BBS9: variants seen among roughly 807,000 people sequenced by gnomAD.
BBS9 encodes Bardet-Biedl syndrome 9.
A neutral mutation model predicts 117.7 loss-of-function variants in BBS9; 89 were observed. The observed-to-expected ratio is 0.76, with a 90% CI of 0.64 to 0.90. The LOEUF is 0.90. BBS9 is among the 40% of genes least tolerant of loss of function. BBS9 has a pLI of 0.00. For synonymous variants in BBS9, 379 were observed against 370.9 expected, an observed-to-expected ratio of 1.02 and a Z score of -0.25; for missense variants, 982 against 1,042.2, an observed-to-expected ratio of 0.94 and a Z score of 0.80.
chr7:33,627,921 A>G (rs1018948316), intron 21 of BBS9, among the ~76,000 whole-genome samples: 3 of 152,070 alleles, frequency 2.0e-5, no homozygotes, highest in African/African-American at 4.8e-5. Flanking sequence ...GTGCATGCCT[A>G]TGATCCCAGC....
chr7:33,258,943 C>T (rs1797522540), intron 6 of BBS9, among the ~76,000 whole-genome samples: 1 of 152,008 alleles, frequency 6.6e-6, no homozygotes, highest in African/African-American at 2.4e-5. Flanking sequence ...TTGTCTTAGA[C>T]TAAAAAATGT....
chr7:33,592,779 A>G (rs1369018711), intron 21 of BBS9, among the ~76,000 whole-genome samples: 1 of 152,124 alleles, frequency 6.6e-6, no homozygotes, highest in African/African-American at 2.4e-5. Flanking sequence ...CAAGTTGAAG[A>G]AATGTTGCCA....
chr7:33,455,699 G>T (rs1410370907), intron 19 of BBS9, among the ~76,000 whole-genome samples: 1 of 152,044 alleles, frequency 6.6e-6, no homozygotes, highest in Non-Finnish European at 1.5e-5. Flanking sequence ...GGTAATTAGG[G>T]TACTGATTTT....
At chr7:33,353,697 T>C (rs1286209978) in intron 15 of BBS9, among the ~76,000 whole-genome samples, 1 of 152,044 alleles carries the variant, frequency 6.6e-6, no homozygotes, top group Non-Finnish European at 1.5e-5. Context: ...ATTAAATAAA[T>C]ATAATGAAAT....
intron 20 of BBS9, 22 bp downstream of exon 20, chr7:33,505,667 G>C: frequency 6.2e-7 from 1 of 1,611,308 alleles, no homozygotes; most frequent in Non-Finnish European, 8.5e-7. Context: ...AAAGCCTGTG[G>C]TGGGAACAGC....
intron 20 of BBS9, among the ~76,000 whole-genome samples, chr7:33,518,245 C>CTTTTTTTTT (rs747829401): frequency 1.1e-4 from 10 of 93,934 alleles, no homozygotes; most frequent in Non-Finnish European, 1.4e-4. Context: ...TGTATATATT[C>CTTTTTTTTT]TTTTTTTTTT....
At chr7:33,158,548 C>G (rs972549329) in intron 4 of BBS9, among the ~76,000 whole-genome samples, 4 of 152,034 alleles carry the variant, frequency 2.6e-5, no homozygotes, top group African/African-American at 9.7e-5. Context: ...TCCATAGTTG[C>G]ATTATTAAAT....
At chr7:33,256,454 G>T (rs1031584100) in intron 5 of BBS9, among the ~76,000 whole-genome samples, 11 of 151,990 alleles carry the variant, frequency 7.2e-5, no homozygotes, top group South Asian at 6.2e-4. Flanking sequence ...GCAGTAATAA[G>T]CACTCCAAAA....
At chr7:33,234,770 A>G (rs952406942) in intron 5 of BBS9, among the ~76,000 whole-genome samples, 43 of 151,852 alleles carry the variant, frequency 2.8e-4, no homozygotes, top group African/African-American at 9.2e-4. Context: ...TGAATATTTG[A>G]ATATATACAG....
At chr7:33,384,988 T>G (rs1314979105) in intron 18 of BBS9, among the ~76,000 whole-genome samples, 1 of 152,146 alleles carries the variant, frequency 6.6e-6, no homozygotes, top group Non-Finnish European at 1.5e-5. Flanking sequence ...AAGAGTATGT[T>G]TAGGTATCGT....
intron 4 of BBS9, among the ~76,000 whole-genome samples, chr7:33,162,558 G>A (rs1431175431): frequency 6.6e-6 from 1 of 152,112 alleles, no homozygotes; most frequent in Admixed American, 6.5e-5. Flanking sequence ...TCCCTTGTAA[G>A]TTGGATTCTT....
At position 33,481,198 on chromosome 7, in the gene BBS9, A is replaced by G. The variant is rs547428270; in HGVS notation, c.2116-24265A>G. 2.0e-5 allele frequency among the ~76,000 whole-genome samples: 3 copies of G among 152,270 alleles called. No homozygotes were observed. The East Asian group carries it at 5.8e-4, about 29-fold the overall frequency. ...GGAAGGACTTATTGGCAGAAGGAAA[A>G]ATACAAGTTAATGTATGGTAGTGGG... On this transcript the variant is annotated intron_variant, in intron 19 of 22. Coordinates refer to ENST00000242067, the MANE Select transcript of BBS9 (RefSeq NM_198428.3).
At chr7:33,236,645 G>A (rs13238974) in intron 5 of BBS9, among the ~76,000 whole-genome samples, 2,434 of 151,926 alleles carry the variant, frequency 0.016, 21 homozygotes, top group Non-Finnish European at 0.026. Flanking sequence ...TGTTTTTAAT[G>A]TATTTTAATT....
rs1799861535 is a variant in BBS9 at position 33,271,873 on chromosome 7, C to T, written c.703-1139C>T. Among the ~76,000 whole-genome samples, 3 of 152,130 alleles carry T rather than the reference C, an allele frequency of 2.0e-5. No homozygotes were observed. The South Asian group carries it at 6.2e-4, about 32-fold the overall frequency. ...ACCAAATGGACCTAATAGACATCTA[C>T]AAAACTCTCCATCCCAAAACAACAG... On this transcript the variant is annotated intron_variant, in intron 7 of 22. Coordinates refer to ENST00000242067, the MANE Select transcript of BBS9 (RefSeq NM_198428.3).
chr7:33,558,231 A>G (rs1855575158), intron 21 of BBS9, among the ~76,000 whole-genome samples: 3 of 152,230 alleles, frequency 2.0e-5, no homozygotes, highest in African/African-American at 7.2e-5. Context: ...GGAAAACAGT[A>G]CACAAACAAC....
At chr7:33,364,744 CCTCT>C (rs1489234595) in intron 16 of BBS9, among the ~76,000 whole-genome samples, 1 of 142,560 alleles carries the variant, frequency 7.0e-6, no homozygotes, top group Non-Finnish European at 1.5e-5. Flanking sequence ...CACCTCCCCT[CCTCT>C]CTCAGGGTCT....
chr7:33,604,163 G>T (rs943172790), intron 21 of BBS9, among the ~76,000 whole-genome samples: 1 of 152,146 alleles, frequency 6.6e-6, no homozygotes, highest in African/African-American at 2.4e-5. Context: ...GTCAAATCAA[G>T]TTGCAGATGT....
chr7:33,440,059 G>C (rs1318132511), intron 19 of BBS9, among the ~76,000 whole-genome samples: 1 of 152,144 alleles, frequency 6.6e-6, no homozygotes, highest in Non-Finnish European at 1.5e-5. Context: ...ATGCAAAAAG[G>C]CTTAGACGTT....
intron 7 of BBS9, 23 bp from the exon 8 acceptor site, chr7:33,272,989 T>A (rs1161273880): frequency 2.5e-6 from 4 of 1,610,932 alleles, no homozygotes; most frequent in Non-Finnish European, 3.4e-6. Context: ...GCAACTAAAT[T>A]GATATTGAGT....
Sources: gnomAD v4.1 joint callset for allele counts (sites outside exome capture counted in the v4.1 genomes callset) on GRCh38, gnomAD v4.1.1 for gene constraint, MANE v1.5 for transcripts, NCBI Gene and HGNC (gene_info 2026-07-23, HGNC 2026-07-21) for gene names.